CNKSR2: variants seen among roughly 807,000 people sequenced by gnomAD.
CNKSR2 encodes connector enhancer of kinase suppressor of Ras 2, also known as CNK homolog protein 2.
CNKSR2 carries 14 observed loss-of-function variants against 84.4 expected under a neutral mutation model. The observed-to-expected ratio is 0.17, with a 90% CI of 0.11 to 0.26. The LOEUF is 0.26. Among genes scored for constraint, CNKSR2 ranks in the 10% least tolerant of loss-of-function variants. The probability of loss-of-function intolerance (pLI) is 1.00; values close to 1 mark genes in which losing one functional copy is unlikely to be tolerated. For missense variants in CNKSR2, 485 were observed against 771.2 expected (o/e 0.63, Z 4.40); for synonymous variants, 275 against 277.9 (o/e 0.99, Z 0.10).
At chrX:21,575,111 T>A (rs2092310464) in intron 13 of CNKSR2, among the ~76,000 whole-genome samples, 1 of 111,446 alleles carries the variant, frequency 9.0e-6, no homozygotes, top group Admixed American at 9.6e-5. Flanking sequence ...TCTGTTGGCC[T>A]GTCTTAGGGA....
intron 5 of CNKSR2, among the ~76,000 whole-genome samples, chrX:21,476,190 G>A (rs963519377): frequency 9.0e-6 from 1 of 110,952 alleles, no homozygotes; most frequent in African/African-American, 3.3e-5. Flanking sequence ...CTTGTTTAAT[G>A]TTTTCAGTTG....
chrX:21,582,959 A>G (rs142517457), intron 13 of CNKSR2, among the ~76,000 whole-genome samples: 265 of 111,511 alleles, frequency 2.4e-3, no homozygotes, highest in South Asian at 8.7e-3. Context: ...ATGGAACATT[A>G]ACTCTGCCCA....
At chrX:21,412,143 T>TG (rs1367219462) in intron 1 of CNKSR2, among the ~76,000 whole-genome samples, 1 of 111,677 alleles carries the variant, frequency 9.0e-6, no homozygotes, top group Non-Finnish European at 1.9e-5. Flanking sequence ...TAGGGAAGCC[T>TG]GGGACTGAGA....
At chrX:21,387,993 G>A (rs1236173232) in intron 1 of CNKSR2, among the ~76,000 whole-genome samples, 4 of 109,274 alleles carry the variant, frequency 3.7e-5, no homozygotes, top group African/African-American at 1.0e-4. Flanking sequence ...TCCGCCTCCC[G>A]GGTTCACGCC....
chrX:21,485,359 T>C (rs957178995), intron 5 of CNKSR2, among the ~76,000 whole-genome samples: 4 of 111,122 alleles, frequency 3.6e-5, no homozygotes, highest in African/African-American at 1.3e-4. Context: ...CATTAAAATG[T>C]TGCTTTATTT....
chrX:21,435,046 C>T (rs1379004611), intron 3 of CNKSR2, among the ~76,000 whole-genome samples: 3 of 107,656 alleles, frequency 2.8e-5, no homozygotes, highest in Admixed American at 2.1e-4. Context: ...TGCTACACCT[C>T]GTTTTGAATG....
intron 20 of CNKSR2, chrX:21,641,964 T>G: frequency 1.3e-6 from 1 of 766,839 alleles, no homozygotes; most frequent in Non-Finnish European, 1.5e-6. Context: ...AACACCTCAG[T>G]TGTGTTCTCC....
At chrX:21,649,987 T>C (rs146641266) in intron 21 of CNKSR2, among the ~76,000 whole-genome samples, 131 of 111,646 alleles carry the variant, frequency 1.2e-3, no homozygotes, top group East Asian at 1.7e-3. Flanking sequence ...GGAGTGTAAA[T>C]TAGTTCAACC....
chrX:21,495,475 A>G (rs1444836886), intron 6 of CNKSR2: 2 of 110,060 alleles, frequency 1.8e-5, no homozygotes, highest in Non-Finnish European at 1.9e-5. Flanking sequence ...TCCTCTCACA[A>G]CCCTTATATG....
intron 11 of CNKSR2, among the ~76,000 whole-genome samples, chrX:21,546,275 T>C (rs892162502): frequency 4.6e-5 from 5 of 108,606 alleles, no homozygotes; most frequent in African/African-American, 1.7e-4. Context: ...TCGTGAAGCA[T>C]ACACAAGTAT....
intron 10 of CNKSR2, among the ~76,000 whole-genome samples, chrX:21,530,796 C>G (rs1336040224): frequency 9.0e-6 from 1 of 110,733 alleles, no homozygotes; most frequent in Non-Finnish European, 1.9e-5. Context: ...ATAAAATAAA[C>G]AAGATTCAAT....
chrX:21,478,741 T>C (rs2147159523), intron 5 of CNKSR2, among the ~76,000 whole-genome samples: 1 of 111,433 alleles, frequency 9.0e-6, no homozygotes, highest in Non-Finnish European at 1.9e-5. Flanking sequence ...AAGTTAGCCT[T>C]TCTGACTAAG....
intron 20 of CNKSR2, chrX:21,644,836 T>C (rs2092702133): frequency 8.9e-6 from 1 of 112,045 alleles, no homozygotes; most frequent in African/African-American, 3.2e-5. Flanking sequence ...GAGTAATACA[T>C]GTATATAAGT....
intron 1 of CNKSR2, among the ~76,000 whole-genome samples, chrX:21,412,613 C>CT (rs1312540824): frequency 9.0e-6 from 1 of 111,431 alleles, no homozygotes; most frequent in Non-Finnish European, 1.9e-5. Context: ...ATCATTGCCA[C>CT]TAGTGGTTTC....
chrX:21,622,371 C>G (rs764784111), intron 20 of CNKSR2, among the ~76,000 whole-genome samples: 1 of 111,137 alleles, frequency 9.0e-6, no homozygotes, highest in Non-Finnish European at 1.9e-5. Context: ...CCTCCTTAAA[C>G]TAAGGCTTGT....
intron 2 of CNKSR2, 54 bp from the exon 3 acceptor site, chrX:21,432,558 C>A: frequency 1.2e-6 from 1 of 859,348 alleles, no homozygotes; most frequent in Non-Finnish European, 1.7e-6. Flanking sequence ...TAAATATTTT[C>A]ATGAATGAAT....
At chrX:21,614,339 A>G (rs1015549484) in intron 20 of CNKSR2, among the ~76,000 whole-genome samples, 3 of 112,136 alleles carry the variant, frequency 2.7e-5, no homozygotes, top group African/African-American at 9.7e-5. Context: ...AAAATGTTGC[A>G]ACACTTCTCA....
intron 4 of CNKSR2, among the ~76,000 whole-genome samples, chrX:21,447,922 G>T (rs1331608762): frequency 9.0e-6 from 1 of 111,703 alleles, no homozygotes; most frequent in East Asian, 2.8e-4. Context: ...TTGTGATGGG[G>T]TTTGGCATCA....
chrX:21,508,118 A>G (rs2091632472), intron 8 of CNKSR2, among the ~76,000 whole-genome samples: 1 of 112,192 alleles, frequency 8.9e-6, no homozygotes. Context: ...GCTTGAGGCT[A>G]GAAGTTCAAG....
Sources: allele counts gnomAD v4.1 joint callset (sites outside exome capture counted in the v4.1 genomes callset), GRCh38; gene constraint gnomAD v4.1.1; transcripts MANE v1.5; gene names NCBI Gene and HGNC (gene_info 2026-07-23, HGNC 2026-07-21).